Variants in PIWIL4 observed in about 807,000 individuals in gnomAD.
The protein encoded by PIWIL4 is piwi like RNA-mediated gene silencing 4, also known as piwi-like protein 4.
In PIWIL4, 50 loss-of-function variants were observed where a neutral mutation model predicts 100.9. That is an observed-to-expected ratio of 0.50 (90% CI 0.39 to 0.63). The LOEUF (loss-of-function observed/expected upper bound fraction) is 0.63, where lower values mean the gene tolerates loss of function less well. Ranked by LOEUF, PIWIL4 falls within the 20% of genes least tolerant of loss-of-function variation. PIWIL4 has a pLI of 0.00. For missense variants in PIWIL4, 887 were observed against 1,043.3 expected, an observed-to-expected ratio of 0.85 and a Z score of 2.06; for synonymous variants, 342 against 367.5, an observed-to-expected ratio of 0.93 and a Z score of 0.79.
rs546009451 is a variant in PIWIL4, at chr11:94,611,126, C to T, written c.1943+2440C>T. 2.4e-3 allele frequency among the ~76,000 whole-genome samples: 367 copies of T among 152,100 alleles called. 5 individuals are homozygous for T. Among genetic ancestry groups the T allele is most frequent in the African/African-American group, 8.4e-3 (350 of 41,494 alleles). ...TGGGCGTCTTATCCCATTCCATTTG[C>T]GTATGTGTCAGTTTTTATGGCAGTA... On this transcript the variant is annotated intron_variant, in intron 15 of 19. Transcript: ENST00000299001.
At chr11:94,583,631 G>A in intron 5 of PIWIL4, 62 bp downstream of exon 5, 1 of 1,592,504 alleles carries the variant, frequency 6.3e-7, no homozygotes, top group Non-Finnish European at 8.6e-7. Context: ...TAGAGCCTGG[G>A]TATTAAAATA....
chr11:94,603,393 G>A (rs1399033041), intron 12 of PIWIL4, among the ~76,000 whole-genome samples: 2 of 152,152 alleles, frequency 1.3e-5, no homozygotes, highest in East Asian at 3.8e-4. Flanking sequence ...AATTACTTTT[G>A]GAGCTGCTGG....
At chr11:94,594,240 G>A (rs377178960) in intron 9 of PIWIL4, among the ~76,000 whole-genome samples, 6 of 152,068 alleles carry the variant, frequency 3.9e-5, no homozygotes, top group East Asian at 1.9e-4. Flanking sequence ...GCCAAGGCGG[G>A]CGGATCACCT....
At chr11:94,585,335 GGTCT>G in intron 5 of PIWIL4, 106 bp from the exon 6 acceptor site, 1 of 679,920 alleles carries the variant, frequency 1.5e-6, no homozygotes, top group Non-Finnish European at 2.5e-6. Flanking sequence ...GAGAATGAGA[GGTCT>G]GTATTTCCTA....
intron 11 of PIWIL4, among the ~76,000 whole-genome samples, chr11:94,601,354 T>C (rs1565279473): frequency 6.6e-6 from 1 of 151,914 alleles, no homozygotes; most frequent in African/African-American, 2.4e-5. Context: ...CTGTAGGGTG[T>C]GTTAGTTTTA....
intron 2 of PIWIL4, among the ~76,000 whole-genome samples, chr11:94,573,819 A>T (rs937298696): frequency 8.5e-5 from 13 of 152,250 alleles, no homozygotes; most frequent in Non-Finnish European, 7.4e-5. Flanking sequence ...GATGAACTTC[A>T]TTTATTTTGT....
intron 2 of PIWIL4, among the ~76,000 whole-genome samples, chr11:94,571,433 C>T (rs1298169634): frequency 2.0e-5 from 3 of 152,150 alleles, no homozygotes; most frequent in Non-Finnish European, 2.9e-5. Context: ...TATCCCTGCC[C>T]CCTTCACCCA....
At chr11:94,611,179 G>A (rs1352412505) in intron 15 of PIWIL4, among the ~76,000 whole-genome samples, 1 of 152,078 alleles carries the variant, frequency 6.6e-6, no homozygotes, top group African/African-American at 2.4e-5. Context: ...TTATGGCTTT[G>A]TAATATAATT....
At chr11:94,606,025 T>C (rs567407630) in intron 13 of PIWIL4, among the ~76,000 whole-genome samples, 4 of 152,340 alleles carry the variant, frequency 2.6e-5, no homozygotes, top group Admixed American at 6.5e-5. Context: ...TAGCAGAGAA[T>C]AGTATTTAGA....
chr11:94,601,834 C>A lies in PIWIL4; in HGVS notation c.1420C>A (p.Arg474=). ...VSAADWSKDI[R]TCKILNAQSL... ...TGCTGCTGACTGGTCCAAGGATATT[C>A]GAACTTGCAAGATTTTAAATGCACA... Residue 474 remains arginine, a synonymous_variant, in exon 12 of 20, where the codon CGA becomes AGA. Transcript: ENST00000299001. 1 of 1,614,020 alleles carries A rather than the reference C, an allele frequency of 6.2e-7. No homozygotes were observed. Among genetic ancestry groups the A allele is most frequent in the South Asian group, 1.1e-5 (1 of 91,054 alleles).
At chr11:94,583,044 ATG>A (rs58072951) in intron 4 of PIWIL4, among the ~76,000 whole-genome samples, 531 of 133,882 alleles carry the variant, frequency 4.0e-3, no homozygotes, top group Middle Eastern at 0.011. Flanking sequence ...ATATATATAT[ATG>A]TGTGTGTGTG....
chr11:94,616,367 A>G, intron 15 of PIWIL4, 126 bp from the exon 16 acceptor site: 1 of 788,434 alleles, frequency 1.3e-6, no homozygotes. Flanking sequence ...GTGAACACAT[A>G]ACACATACAA....
At chr11:94,583,698 C>G (rs1948358751) in intron 5 of PIWIL4, 129 bp downstream of exon 5, 2 of 1,229,852 alleles carry the variant, frequency 1.6e-6, no homozygotes, top group Non-Finnish European at 2.3e-6. Flanking sequence ...GGCAATTTCT[C>G]AAGCACCTTC....
At chr11:94,608,331 A>C in intron 14 of PIWIL4, 1 of 376,902 alleles carries the variant, frequency 2.7e-6, no homozygotes, top group East Asian at 5.0e-5. Context: ...TCCCCACCCC[A>C]CAAAGGATGA....
intron 15 of PIWIL4, among the ~76,000 whole-genome samples, chr11:94,613,406 A>T (rs1489673236): frequency 6.6e-6 from 1 of 152,064 alleles, no homozygotes; most frequent in Non-Finnish European, 1.5e-5. Flanking sequence ...GATTTTTGAC[A>T]GTTTGATTGT....
At position 94,593,645 on chromosome 11, in the gene PIWIL4, A is replaced by T. The variant is rs747227272; in HGVS notation, c.1150+4A>T. 9.9e-6 allele frequency: 16 copies of T among 1,613,406 alleles called. No homozygotes were observed. The Admixed American group carries it at 2.7e-4, about 27-fold the overall frequency. ...CCTGAGCTCTGCTTTCTAACAGGTAATGTTTGTGTTTTATACCTCTGTCAG... is the reference window on the plus strand; with the variant it reads ...CCTGAGCTCTGCTTTCTAACAGGTATTGTTTGTGTTTTATACCTCTGTCAG... On this transcript the variant is annotated splice_donor_region_variant and intron_variant, in intron 9 of 19. Coordinates refer to ENST00000299001, the MANE Select transcript of PIWIL4 (RefSeq NM_152431.3).
intron 12 of PIWIL4, among the ~76,000 whole-genome samples, chr11:94,602,424 C>T (rs190805285): frequency 1.1e-4 from 16 of 152,278 alleles, no homozygotes; most frequent in African/African-American, 3.8e-4. Flanking sequence ...CTCAAATAAG[C>T]TTTTCTGATT....
In PIWIL4 at chr11:94,567,553, T is replaced by G. The variant is rs1458828015; in HGVS notation, c.35T>G (p.Ile12Ser). The G allele has an allele frequency of 2.9e-5, 46 of 1,606,072 alleles. No homozygotes were observed. Among genetic ancestry groups the G allele is most frequent in the Non-Finnish European group, 3.9e-5 (46 of 1,176,612 alleles). ...SGRARVKARGIARSPSATEVG... is the reference protein window; with the variant it reads ...SGRARVKARGSARSPSATEVG... ...AGAGCCCGAGTGAAGGCCAGAGGCATCGCCCGCAGCCCCAGTGCCACAGAA... is the reference window on the plus strand; with the variant it reads ...AGAGCCCGAGTGAAGGCCAGAGGCAGCGCCCGCAGCCCCAGTGCCACAGAA... Residue 12 changes from isoleucine to serine, a missense_variant, in exon 1 of 20, where the codon ATC becomes AGC. By Grantham distance (142) the Ile-to-Ser change is moderately radical. Transcript: ENST00000299001.
chr11:94,619,555 C>A (rs1004320421), intron 17 of PIWIL4, among the ~76,000 whole-genome samples: 8 of 152,162 alleles, frequency 5.3e-5, no homozygotes, highest in Non-Finnish European at 1.2e-4. Flanking sequence ...GGATAGCATC[C>A]TTTTGCAACA....
Sources: gnomAD v4.1 joint callset for allele counts (sites outside exome capture counted in the v4.1 genomes callset) on GRCh38, gnomAD v4.1.1 for gene constraint, MANE v1.5 for transcripts, NCBI Gene and HGNC (gene_info 2026-07-23, HGNC 2026-07-21) for gene names.